The following PCDH7 variants were observed in gnomAD, a reference collection of about 807,000 sequenced individuals.
PCDH7 encodes protocadherin-7.
In PCDH7, 17 loss-of-function variants were observed where a neutral mutation model predicts 58.9. The observed-to-expected ratio is 0.29, with a 90% CI of 0.20 to 0.43. The LOEUF (loss-of-function observed/expected upper bound fraction) is 0.43. Among genes scored for constraint, PCDH7 ranks in the 20% least tolerant of loss-of-function variants. The pLI is 1.00. For synonymous variants in PCDH7, 664 were observed against 616.4 expected (o/e 1.08, Z -1.14); for missense variants, 1,274 against 1,441.0 (o/e 0.88, Z 1.88).
At position 30,952,725 on chromosome 4, in the gene PCDH7, T is replaced by C. The variant is rs561574295; in HGVS notation, c.*7+2510T>C. Among the ~76,000 whole-genome samples the C allele has an allele frequency of 2.0e-5, 3 of 152,252 alleles. No homozygotes were observed. The East Asian group carries it at 5.8e-4, about 29-fold the overall frequency. Reference sequence around the variant, plus strand: ...AAGAAAAAGGGTAATTTAAGATGCATTGATTTGTGTACACTGTATGTTTTT... The same window carrying C: ...AAGAAAAAGGGTAATTTAAGATGCACTGATTTGTGTACACTGTATGTTTTT... On this transcript the variant is annotated intron_variant, in intron 3 of 3. Coordinates refer to the PCDH7 transcript ENST00000509759.
At chr4:30,859,962 A>G (rs1484461492) in intron 1 of PCDH7, among the ~76,000 whole-genome samples, 2 of 152,320 alleles carry the variant, frequency 1.3e-5, no homozygotes, top group South Asian at 2.1e-4. Context: ...ACTTTTCATG[A>G]AAATGTGACT....
At chr4:30,954,849 C>G (rs1233530645) in intron 3 of PCDH7, among the ~76,000 whole-genome samples, 1 of 152,054 alleles carries the variant, frequency 6.6e-6, no homozygotes, top group Non-Finnish European at 1.5e-5. Flanking sequence ...ATTTAACCTC[C>G]CTGGAGCATG....
chr4:31,144,079 C>A (rs942747658), downstream of PCDH7: 2 of 152,164 alleles, frequency 1.3e-5, no homozygotes, highest in Non-Finnish European at 2.9e-5. Context: ...ATGCTTGCTG[C>A]TCTTTTTATC....
At chr4:30,807,190 T>C (rs1024390548) in intron 1 of PCDH7, among the ~76,000 whole-genome samples, 9 of 152,236 alleles carry the variant, frequency 5.9e-5, no homozygotes, top group African/African-American at 2.2e-4. Context: ...ACCTGAACAT[T>C]GTGCTTAAGC....
chr4:30,927,570 C>A (rs1029518982), intron 2 of PCDH7, among the ~76,000 whole-genome samples: 12 of 152,136 alleles, frequency 7.9e-5, no homozygotes, highest in Middle Eastern at 3.4e-3. Flanking sequence ...CAACCCTGTG[C>A]TCTCTGAAAC....
intron 1 of PCDH7, among the ~76,000 whole-genome samples, chr4:30,850,104 C>A (rs1344017220): frequency 1.3e-5 from 2 of 152,044 alleles, no homozygotes; most frequent in African/African-American, 2.4e-5. Flanking sequence ...CCACAGAGAC[C>A]AGCTACTGTC....
In PCDH7 at chr4:30,894,463, G is replaced by GGAAAA. The variant is rs1393250151; in HGVS notation, c.71-25690_71-25689insGAAAA. On this transcript the variant is annotated intron_variant, in intron 1 of 3. Transcript: ENST00000509759. ...TGGTCTGGAGACCAGTTTCATTCAG[G>GGAAAA]AAAAAAAAAAAAAAAAAAAAAAAAA... is the stretch of plus-strand genomic sequence containing the variant. Among the ~76,000 whole-genome samples the GGAAAA allele has an allele frequency of 6.1e-4, 8 of 13,036 alleles. 1 individual carries two copies. The highest frequency in any genetic ancestry group is 2.2e-3 in the African/African-American group (8 of 3,624). 8.6% of individuals were successfully genotyped at this position (13,036 alleles called of 152,430 possible).
chr4:30,972,812 G>A (rs1398445712), intron 3 of PCDH7, among the ~76,000 whole-genome samples: 1 of 152,122 alleles, frequency 6.6e-6, no homozygotes, highest in Non-Finnish European at 1.5e-5. Context: ...CTACCACACG[G>A]AGTGTCAGAC....
chr4:31,135,037 T>G (rs1719428744), intron 3 of PCDH7, among the ~76,000 whole-genome samples: 2 of 152,170 alleles, frequency 1.3e-5, no homozygotes, highest in African/African-American at 4.8e-5. Context: ...GAATTTCATG[T>G]CCATGCATCA....
intron 3 of PCDH7, among the ~76,000 whole-genome samples, chr4:31,142,266 C>T (rs950560938): frequency 6.6e-6 from 1 of 152,108 alleles, no homozygotes; most frequent in Non-Finnish European, 1.5e-5. Flanking sequence ...CTTTCCTGTT[C>T]TATAATATTG....
chr4:30,725,677 C>T (rs1228556682), intron 1 of PCDH7, among the ~76,000 whole-genome samples: 2 of 152,078 alleles, frequency 1.3e-5, no homozygotes, highest in African/African-American at 2.4e-5. Flanking sequence ...GTATTTCTTA[C>T]TGTCAGAACC....
At chr4:30,926,777 T>A (rs1466853881) in intron 2 of PCDH7, among the ~76,000 whole-genome samples, 1 of 152,194 alleles carries the variant, frequency 6.6e-6, no homozygotes, top group East Asian at 1.9e-4. Flanking sequence ...GATGTCATTA[T>A]GGTCTTTCTA....
At chr4:31,038,560 A>G (rs1755599818) in intron 3 of PCDH7, among the ~76,000 whole-genome samples, 1 of 152,158 alleles carries the variant, frequency 6.6e-6, no homozygotes, top group Non-Finnish European at 1.5e-5. Context: ...AATGAATTGT[A>G]TATCTTCAAA....
At chr4:30,940,576 A>G (rs565311556) in intron 2 of PCDH7, among the ~76,000 whole-genome samples, 23 of 152,190 alleles carry the variant, frequency 1.5e-4, no homozygotes, top group African/African-American at 4.6e-4. Flanking sequence ...TCTTAAAATA[A>G]ACTTAGCCAT....
chr4:31,144,168 G>A (rs1386542128), downstream of PCDH7: 2 of 152,074 alleles, frequency 1.3e-5, no homozygotes, highest in Non-Finnish European at 2.9e-5. Flanking sequence ...ATTTTGAATC[G>A]TGTGCAATAT....
intron 2 of PCDH7, among the ~76,000 whole-genome samples, chr4:30,928,181 C>T (rs1744131405): frequency 6.6e-6 from 1 of 152,074 alleles, no homozygotes; most frequent in South Asian, 2.1e-4. Context: ...CATCTTGGCC[C>T]TCCAAAGTGC....
At chr4:31,110,654 GC>G (rs1489121957) in intron 3 of PCDH7, among the ~76,000 whole-genome samples, 9 of 152,054 alleles carry the variant, frequency 5.9e-5, no homozygotes, top group African/African-American at 2.2e-4. Flanking sequence ...GGTGGCTCAC[GC>G]CTGTAATCCC....
rs1044515492 is a variant in PCDH7 at position 30,721,302 on chromosome 4, C to G, written c.-121C>G. The G allele has an allele frequency of 9.6e-7, 1 of 1,044,764 alleles. No individual in the cohort carries two copies. The highest frequency in any genetic ancestry group is 1.3e-6 in the Non-Finnish European group (1 of 752,262). The allele number at this position is 1,044,764 out of a possible 1,614,324, so 64.7% of individuals were successfully genotyped here. ...TTTGCCCCCTCCCTCCCCTCCCTCT[C>G]GCTCCTTCCTTTCCGGGAGAGGGGA... is the stretch of plus-strand genomic sequence containing the variant. On this transcript the variant is annotated 5_prime_UTR_variant, in exon 1 of 2. Coordinates refer to ENST00000361762, the Ensembl canonical transcript of PCDH7. The surrounding 1 kb of genome is among the most constrained non-coding windows in gnomAD (Gnocchi z 6.7).
chr4:30,993,224 A>C (rs551524395), intron 3 of PCDH7, among the ~76,000 whole-genome samples: 2 of 152,298 alleles, frequency 1.3e-5, no homozygotes, highest in South Asian at 4.1e-4. Flanking sequence ...ATGCCTACCT[A>C]TGGCTCTTCC....
Sources: allele counts gnomAD v4.1 joint callset (sites outside exome capture counted in the v4.1 genomes callset), GRCh38; gene constraint gnomAD v4.1.1; non-coding constraint Gnocchi (gnomAD v3.1); transcripts MANE v1.5; gene names NCBI Gene and HGNC (gene_info 2026-07-23, HGNC 2026-07-21).